MGAT1: variants seen among roughly 807,000 people sequenced by gnomAD.
MGAT1 encodes the protein N-glycosyl-oligosaccharide-glycoprotein N-acetylglucosaminyltransferase I.
Under a neutral mutation model 31.7 loss-of-function variants are expected in MGAT1, and 14 were observed. The ratio of observed to expected loss-of-function variants is 0.44; its 90% confidence interval spans 0.29 to 0.69. The LOEUF is 0.69. Among genes scored for constraint, MGAT1 ranks in the 30% least tolerant of loss-of-function variants. MGAT1 has a pLI of 0.12. For missense variants in MGAT1, 557 were observed against 626.0 expected, an observed-to-expected ratio of 0.89 and a Z score of 1.18; for synonymous variants, 338 against 276.0, an observed-to-expected ratio of 1.22 and a Z score of -2.23.
chr5:180,795,790 A>G (rs1177624405), intron 1 of MGAT1: 1 of 152,096 alleles, frequency 6.6e-6, no homozygotes, highest in Non-Finnish European at 1.5e-5. Context: ...GCACATCAGC[A>G]AGGCAAATTG....
In MGAT1 at chr5:180,814,310, C is replaced by G. The variant is rs536741701; in HGVS notation, c.-546+1104G>C. Among the ~76,000 whole-genome samples, 28 of 152,352 alleles carry G rather than the reference C, an allele frequency of 1.8e-4. 1 individual carries two copies. The South Asian group carries it at 4.6e-3, about 25-fold the overall frequency. ...TGGCCCATAAAGAAACAACCACACT[C>G]ACTTGTTCCCTCAATCTTATTGTGC... On this transcript the variant is annotated intron_variant, in intron 1 of 2. Transcript: ENST00000333055.
At chr5:180,813,027 T>C (rs1581934530) in intron 1 of MGAT1, among the ~76,000 whole-genome samples, 1 of 152,218 alleles carries the variant, frequency 6.6e-6, no homozygotes, top group Admixed American at 6.5e-5. Flanking sequence ...TTTGTACATT[T>C]GGGTTGTTTT....
rs781534388 is a variant in MGAT1, at chr5:180,791,700, G to C, written c.1272C>G (p.Phe424Leu). The C allele has an allele frequency of 6.2e-7, 1 of 1,613,792 alleles. No individual in the cohort carries two copies. The highest frequency in any genetic ancestry group is 1.3e-5 in the African/African-American group (1 of 74,922). ...AGYRGIVTFQ[F>L]RGRRVHLAPP... ...GCGCCAGGTGGACACGGCGGCCCCG[G>C]AACTGGAAGGTGACAATACCCCGGT... Residue 424 changes from phenylalanine to leucine, a missense_variant, in exon 2 of 2, where the codon TTC becomes TTG. By Grantham distance (22) the Phe-to-Leu change is conservative (BLOSUM62 0). Around this residue, in one of 3 missense-constraint regions of MGAT1, gnomAD observed 145 missense variants for 143.2 expected, o/e 1.01. Transcript: ENST00000307826.
chr5:180,793,075 G>A lies in MGAT1; in HGVS notation c.-104C>T, dbSNP rs1768590304. 7.4e-7 allele frequency: 1 copy of A among 1,351,564 alleles called. No individual in the cohort carries two copies. The highest frequency in any genetic ancestry group is 1.0e-6 in the Non-Finnish European group (1 of 994,522). 83.7% of individuals were successfully genotyped at this position (1,351,564 alleles called of 1,614,324 possible). A position where few individuals can be genotyped will look rare whatever the true frequency, so the allele number is the denominator to read the frequency against. On this transcript the variant is annotated 5_prime_UTR_variant, in exon 2 of 2. Coordinates refer to ENST00000307826, the MANE Select transcript of MGAT1 (RefSeq NM_002406.4). ...CCTAGGGATGCCTCCTCTGGACTAT[G>A]GGATTAGGAGGCAGCCATGCACCTA...
upstream of MGAT1, among the ~76,000 whole-genome samples, chr5:180,803,051 A>G (rs1771251238): frequency 6.6e-6 from 1 of 152,108 alleles, no homozygotes; most frequent in South Asian, 2.1e-4. Context: ...CGCAACCCTG[A>G]GGGTGGACGC....
rs959362425 is a variant in MGAT1 at position 180,810,312 on chromosome 5, G to A, written c.-545-1246C>T. On this transcript the variant is annotated intron_variant, in intron 1 of 2. Coordinates refer to the MGAT1 transcript ENST00000333055. ...CCGTCACCACCGCCACCACGGGAGC[G>A]AGGGAGGTGGGTCTGCAGGGCCTGA... 3 of 152,474 alleles carry A rather than the reference G, an allele frequency of 2.0e-5. No individual in the cohort carries two copies. In the East Asian group the frequency reaches 5.8e-4, roughly 29 times the overall value. The allele number at this position is 152,474 out of a possible 1,614,324, so 9.4% of individuals were successfully genotyped here.
chr5:180,813,350 G>A (rs547486975), intron 1 of MGAT1, among the ~76,000 whole-genome samples: 2 of 152,280 alleles, frequency 1.3e-5, no homozygotes, highest in South Asian at 4.1e-4. Flanking sequence ...TTTGCAGATT[G>A]CCTACAGCAT....
In MGAT1 at chr5:180,791,396, G is replaced by T; in HGVS notation, c.*238C>A. 1.7e-6 allele frequency: 1 copy of T among 592,528 alleles called. No homozygotes were observed. Among genetic ancestry groups the T allele is most frequent in the Non-Finnish European group, 3.0e-6 (1 of 338,704 alleles). 36.7% of individuals were successfully genotyped at this position (592,528 alleles called of 1,614,324 possible). A position where few individuals can be genotyped will look rare whatever the true frequency, so the allele number is the denominator to read the frequency against. ...CAAGCCCAGTGCCCCCCACCACACA[G>T]TGGTTTCCTGCTTAATACCCCGCAA... On this transcript the variant is annotated 3_prime_UTR_variant, in exon 2 of 2. Transcript: ENST00000307826.
upstream of MGAT1, among the ~76,000 whole-genome samples, chr5:180,804,525 G>A (rs759489024): frequency 6.6e-6 from 1 of 152,232 alleles, no homozygotes; most frequent in Non-Finnish European, 1.5e-5. Context: ...GCGCACTGTG[G>A]CAGGAGCCTC....
At chr5:180,805,122 C>A (rs1162993549), upstream of MGAT1, among the ~76,000 whole-genome samples, 1 of 152,086 alleles carries the variant, frequency 6.6e-6, no homozygotes, top group African/African-American at 2.4e-5. Flanking sequence ...GGAGCAGTGA[C>A]TGGAGTAAGA....
At chr5:180,808,916 A>C (rs1429494596) in exon 2 of MGAT1, 3 of 152,150 alleles carry the variant, frequency 2.0e-5, no homozygotes, top group Non-Finnish European at 4.4e-5. Flanking sequence ...TATTAAGCTC[A>C]GAGTCTGGTG....
upstream of MGAT1, among the ~76,000 whole-genome samples, chr5:180,805,848 T>C (rs1020330154): frequency 3.2e-4 from 48 of 152,020 alleles, no homozygotes; most frequent in African/African-American, 1.2e-3. Flanking sequence ...CACCCCACAA[T>C]GGAGACCCAG....
rs1215389891 is a variant in MGAT1 at position 180,792,203 on chromosome 5, G to C, written c.769C>G (p.Leu257Val). The change falls in exon 2 of 2, where the codon CTG becomes GTG. Residue 257 changes from leucine to valine, a missense_variant. Physicochemically the swap from Leu to Val is conservative, Grantham distance 32. Coordinates refer to ENST00000307826, the MANE Select transcript of MGAT1 (RefSeq NM_002406.4). ...EQMVDASRPE[L>V]LYRTDFFPGL... ...GGGAAAAAGTCGGTGCGGTAGAGCA[G>C]CTCAGGCCTGCTGGCGTCCACCATC... is the stretch of plus-strand genomic sequence containing the variant. 6.2e-7 allele frequency: 1 copy of C among 1,613,058 alleles called. No homozygotes were observed. Among genetic ancestry groups the C allele is most frequent in the Admixed American group, 1.7e-5 (1 of 60,034 alleles).
At chr5:180,804,385 C>T (rs975712335), upstream of MGAT1, among the ~76,000 whole-genome samples, 2 of 152,234 alleles carry the variant, frequency 1.3e-5, no homozygotes, top group Non-Finnish European at 2.9e-5. Flanking sequence ...CAGGCGCTGC[C>T]GTGAAGCCTC....
At chr5:180,801,477 A>G (rs1255246831) in intron 1 of MGAT1, among the ~76,000 whole-genome samples, 4 of 152,222 alleles carry the variant, frequency 2.6e-5, no homozygotes, top group African/African-American at 9.6e-5. Flanking sequence ...TACCAGGCCC[A>G]TAATTTCAGG....
At chr5:180,794,388 T>C (rs896870979) in intron 1 of MGAT1, among the ~76,000 whole-genome samples, 76 of 146,442 alleles carry the variant, frequency 5.2e-4, no homozygotes, top group Middle Eastern at 3.5e-3. Context: ...AGTGAGACTC[T>C]GTCTCAAAAA....
chr5:180,811,115 C>T (rs768894243), intron 1 of MGAT1: 3 of 152,220 alleles, frequency 2.0e-5, no homozygotes, highest in Non-Finnish European at 4.4e-5. Flanking sequence ...CCTATGCAGC[C>T]CTCTCCCGAC....
chr5:180,800,723 T>C (rs115001538), intron 1 of MGAT1, among the ~76,000 whole-genome samples: 4 of 152,288 alleles, frequency 2.6e-5, no homozygotes, highest in African/African-American at 9.6e-5. Flanking sequence ...GAGAGAATCA[T>C]AAACCCCACC....
In MGAT1 at chr5:180,792,842, C is replaced by A. The variant is rs34344788; in HGVS notation, c.130G>T (p.Asp44Tyr). 28 of 1,564,626 alleles carry A rather than the reference C, an allele frequency of 1.8e-5. No homozygotes were observed. Among genetic ancestry groups the A allele is most frequent in the East Asian group, 1.7e-4 (7 of 42,050 alleles). Residue 44 changes from aspartate (D) to tyrosine (Y), a missense_variant, in exon 2 of 2, where the codon GAT becomes TAT. By Grantham distance (160) the Asp-to-Tyr change is radical. This residue lies in a region of MGAT1 where 167 missense variants were observed against 149.8 expected (regional missense o/e 1.11). Transcript: ENST00000307826. ...PGRPPSVSALDGDPASLTREV... is the reference protein window; with the variant it reads ...PGRPPSVSALYGDPASLTREV... ...CGGGTGAGGCTGGCGGGGTCGCCAT[C>A]GAGAGCGCTGACTGAGGGTGGCCTG...
Sources: gnomAD v4.1 joint callset for allele counts (sites outside exome capture counted in the v4.1 genomes callset) on GRCh38, gnomAD v4.1.1 for gene constraint, gnomAD v4.1.1 regional missense constraint, MANE v1.5 for transcripts, NCBI Gene and HGNC (gene_info 2026-07-23, HGNC 2026-07-21) for gene names.